MYO16: variants seen among roughly 807,000 people sequenced by gnomAD.
MYO16 encodes the protein myosin XVI, also known as unconventional myosin-XVI.
In MYO16, 94 loss-of-function variants were observed where a neutral mutation model predicts 205.3. The observed-to-expected ratio is 0.46, with a 90% CI of 0.39 to 0.54. The LOEUF (loss-of-function observed/expected upper bound fraction) is 0.54. MYO16 is among the 20% of genes least tolerant of loss of function. MYO16 has a pLI of 0.00. For synonymous variants in MYO16, 988 were observed against 954.0 expected, an observed-to-expected ratio of 1.04 and a Z score of -0.66; for missense variants, 2,315 against 2,387.5, an observed-to-expected ratio of 0.97 and a Z score of 0.63.
At chr13:108,505,155 C>A in the MYO16 span, among the ~76,000 whole-genome samples, 10 of 152,140 alleles carry the variant, frequency 6.6e-5, no homozygotes, top group African/African-American at 1.7e-4. Flanking sequence ...GTTTTCAATT[C>A]TTTTGGATTA....
chr13:108,859,411 CAGAGCCA>C (rs1482205091), intron 11 of MYO16, among the ~76,000 whole-genome samples: 1 of 152,204 alleles, frequency 6.6e-6, no homozygotes, highest in African/African-American at 2.4e-5. Flanking sequence ...GATTTGTTTT[CAGAGCCA>C]AGATAAAATA....
intron 17 of MYO16, among the ~76,000 whole-genome samples, chr13:108,960,705 G>A (rs1883548895): frequency 6.6e-6 from 1 of 152,150 alleles, no homozygotes. Context: ...CCCTTCACGG[G>A]GCTCAACCTG....
chr13:109,109,919 A>G (rs1252606285), intron 28 of MYO16, among the ~76,000 whole-genome samples: 1 of 152,248 alleles, frequency 6.6e-6, no homozygotes, highest in Non-Finnish European at 1.5e-5. Context: ...GATGCACTAC[A>G]TAAGATCAGA....
chr13:109,069,474 A>G (rs1283357627), intron 27 of MYO16, among the ~76,000 whole-genome samples: 2 of 152,148 alleles, frequency 1.3e-5, no homozygotes, highest in African/African-American at 2.4e-5. Context: ...TCAAAATAAC[A>G]GACTAGATGG....
In MYO16 at chr13:108,752,833, T is replaced by TTTC. The variant is rs1566587272; in HGVS notation, c.507+25250_507+25251insTTC. On this transcript the variant is annotated intron_variant, in intron 4 of 34. Coordinates refer to ENST00000457511, the MANE Select transcript of MYO16 (RefSeq NM_001198950.3). ...ATTTTTTTTTTTTTTTTTTTTTTTT[T>TTTC]AGTAGAGACAGTGTTGGTCTCTACT... Among the ~76,000 whole-genome samples the TTTC allele has an allele frequency of 1.1e-3, 147 of 139,922 alleles. 4 individuals are homozygous for TTTC. In the South Asian group the frequency reaches 0.02, roughly 19 times the overall value. 91.8% of individuals were successfully genotyped at this position (139,922 alleles called of 152,430 possible).
the MYO16 span, among the ~76,000 whole-genome samples, chr13:108,556,937 A>G: frequency 6.6e-6 from 1 of 151,996 alleles, no homozygotes; most frequent in Non-Finnish European, 1.5e-5. Flanking sequence ...TAATCAATTG[A>G]CTGTTATTGT....
intron 25 of MYO16, chr13:109,054,285 G>C (rs148152138): frequency 5.7e-4 from 226 of 393,210 alleles, no homozygotes; most frequent in African/African-American, 4.0e-3. Context: ...AAAAAATAGA[G>C]TCTACTACCA....
chr13:108,525,941 A>ATTTTTTTTTTTTTTT, the MYO16 span, among the ~76,000 whole-genome samples: 1 of 145,598 alleles, frequency 6.9e-6, no homozygotes. Flanking sequence ...CCTAGGTCTG[A>ATTTTTTTTTTTTTTT]TTTTTTTTTT....
At chr13:108,735,390 C>T (rs1278950230) in intron 4 of MYO16, among the ~76,000 whole-genome samples, 1 of 151,748 alleles carries the variant, frequency 6.6e-6, no homozygotes, top group Admixed American at 6.6e-5. Context: ...TGATAATTTG[C>T]TCAGAATGAT....
intron 4 of MYO16, among the ~76,000 whole-genome samples, chr13:108,739,254 G>A (rs907408936): frequency 2.0e-5 from 3 of 152,106 alleles, no homozygotes; most frequent in East Asian, 3.9e-4. Flanking sequence ...ATTTTGGCAT[G>A]TTTTTTTCAG....
intron 16 of MYO16, among the ~76,000 whole-genome samples, chr13:108,941,369 C>T (rs534129766): frequency 1.6e-4 from 24 of 152,144 alleles, no homozygotes; most frequent in Non-Finnish European, 2.2e-4. Flanking sequence ...CATTCTGGAG[C>T]GAAGACTGCC....
At chr13:109,183,146 CT>C (rs907969839) in intron 34 of MYO16, among the ~76,000 whole-genome samples, 1 of 152,150 alleles carries the variant, frequency 6.6e-6, no homozygotes, top group African/African-American at 2.4e-5. Context: ...TGAGATTTTA[CT>C]TTTTTTAAAA....
chr13:108,564,550 A>C, the MYO16 span, among the ~76,000 whole-genome samples: 5 of 152,058 alleles, frequency 3.3e-5, no homozygotes, highest in Admixed American at 2.6e-4. Flanking sequence ...CTGGTTATTT[A>C]TCTCTTGTCA....
chr13:108,797,034 T>A (rs1231342038), intron 6 of MYO16, among the ~76,000 whole-genome samples: 2 of 152,096 alleles, frequency 1.3e-5, no homozygotes, highest in East Asian at 3.9e-4. Flanking sequence ...CAATCAGTAA[T>A]GTGGCTCAGA....
chr13:109,083,383 C>CAAAAAAAAAAAAAAAAAAA (rs71125367), intron 27 of MYO16, among the ~76,000 whole-genome samples: 1 of 52,296 alleles, frequency 1.9e-5, no homozygotes, highest in African/African-American at 8.7e-5. Context: ...AACTCCGTCT[C>CAAAAAAAAAAAAAAAAAAA]AAAAAAAAAA....
At chr13:108,819,338 G>C (rs549077270) in intron 7 of MYO16, among the ~76,000 whole-genome samples, 3 of 152,238 alleles carry the variant, frequency 2.0e-5, no homozygotes, top group African/African-American at 4.8e-5. Context: ...TTCGCGGTAA[G>C]CCATGAAAAC....
the MYO16 span, among the ~76,000 whole-genome samples, chr13:108,510,485 T>TTTTTA: frequency 1.0e-5 from 1 of 96,470 alleles, no homozygotes; most frequent in African/African-American, 4.2e-5. Flanking sequence ...TTTTTTTTTT[T>TTTTTA]ATTGTACTTT....
At chr13:108,653,360 T>C (rs1881097765) in intron 1 of MYO16, among the ~76,000 whole-genome samples, 1 of 152,208 alleles carries the variant, frequency 6.6e-6, no homozygotes, top group Admixed American at 6.5e-5. Context: ...GATGCTTATG[T>C]ACTTTTATGC....
intron 34 of MYO16, among the ~76,000 whole-genome samples, chr13:109,195,324 AT>A (rs1880107848): frequency 6.6e-6 from 1 of 152,130 alleles, no homozygotes; most frequent in Admixed American, 6.5e-5. Flanking sequence ...ATTTAATTGT[AT>A]TGCTATATAA....
Sources: allele counts gnomAD v4.1 joint callset (sites outside exome capture counted in the v4.1 genomes callset), GRCh38; gene constraint gnomAD v4.1.1; transcripts MANE v1.5; gene names NCBI Gene and HGNC (gene_info 2026-07-23, HGNC 2026-07-21).